SATB2: variants seen among roughly 807,000 people sequenced by gnomAD.
The protein encoded by SATB2 is DNA-binding protein SATB2.
Under a neutral mutation model 73.4 loss-of-function variants are expected in SATB2, and 1 was observed. That is an observed-to-expected ratio of 0.01 (90% CI 0.00 to 0.06). SATB2 has a LOEUF of 0.06. Among genes scored for constraint, SATB2 ranks in the 10% least tolerant of loss-of-function variants. SATB2 has a pLI of 1.00. For synonymous variants in SATB2, 397 were observed against 367.0 expected (o/e 1.08, Z -0.93); for missense variants, 459 against 945.8 (o/e 0.49, Z 6.75).
intron 3 of SATB2, among the ~76,000 whole-genome samples, chr2:199,432,175 A>C (rs941272880): frequency 6.6e-6 from 1 of 152,222 alleles, no homozygotes; most frequent in Non-Finnish European, 1.5e-5. Context: ...CACAATAACT[A>C]GTAGGGTACT....
rs1481816181 is a variant in SATB2, at chr2:199,269,996, T to G, written c.*2215A>C. The G allele has an allele frequency of 6.5e-6, 1 of 152,736 alleles. No homozygotes were observed. The highest frequency in any genetic ancestry group is 1.5e-5 in the Non-Finnish European group (1 of 68,030). 9.5% of individuals were successfully genotyped at this position (152,736 alleles called of 1,614,324 possible). ...GGATGCCATCGATAGATGAACCACC[T>G]TGTAAGAGCTTGGCAAAATCAGTTT... is the stretch of plus-strand genomic sequence containing the variant. On this transcript the variant is annotated 3_prime_UTR_variant, in exon 11 of 11. Transcript: ENST00000417098.
intron 10 of SATB2, among the ~76,000 whole-genome samples, chr2:199,294,293 T>C (rs1455610920): frequency 1.3e-5 from 2 of 152,134 alleles, no homozygotes; most frequent in Non-Finnish European, 2.9e-5. Flanking sequence ...CTCTACTACA[T>C]CTGTATTAGG....
At chr2:199,432,918 A>AT (rs903358587) in intron 3 of SATB2, among the ~76,000 whole-genome samples, 36 of 151,414 alleles carry the variant, frequency 2.4e-4, no homozygotes, top group Non-Finnish European at 3.5e-4. Flanking sequence ...AAAGACATCC[A>AT]TTTTTTTTTC....
At chr2:199,284,721 T>G (rs989264299) in intron 10 of SATB2, among the ~76,000 whole-genome samples, 1 of 152,104 alleles carries the variant, frequency 6.6e-6, no homozygotes, top group Non-Finnish European at 1.5e-5. Flanking sequence ...GCATTTATAG[T>G]TGGCCCACCA....
chr2:199,389,477 T>G (rs895455295), intron 3 of SATB2, among the ~76,000 whole-genome samples: 1 of 152,156 alleles, frequency 6.6e-6, no homozygotes, highest in African/African-American at 2.4e-5. Context: ...TACAATGGAT[T>G]TAATCCTGCA....
Position 199,274,835 on chromosome 2 carries a change from T to C in SATB2, c.1741-2163A>G, listed in dbSNP as rs11894188. On this transcript the variant is annotated intron_variant, in intron 10 of 10. Coordinates refer to ENST00000417098, the MANE Select transcript of SATB2 (RefSeq NM_001172509.2). ...GGCAGGAAAAGCAGAGCTCCAGGGATGGGGGGTGGGGGGACTGGTGCTGGT... is the reference window on the plus strand; with the variant it reads ...GGCAGGAAAAGCAGAGCTCCAGGGACGGGGGGTGGGGGGACTGGTGCTGGT... 5.9e-3 allele frequency among the ~76,000 whole-genome samples: 353 copies of C among 60,126 alleles called. 1 individual carries two copies. The highest frequency in any genetic ancestry group is 0.017 in the African/African-American group (256 of 15,446). 39.4% of individuals were successfully genotyped at this position (60,126 alleles called of 152,430 possible).
intron 10 of SATB2, among the ~76,000 whole-genome samples, chr2:199,287,639 T>G (rs1334292428): frequency 1.3e-5 from 2 of 152,308 alleles, no homozygotes; most frequent in African/African-American, 4.8e-5. Flanking sequence ...CAATAAATTA[T>G]GTAAGCTTCA....
chr2:199,461,951 C>T (rs2105966369), upstream of SATB2, among the ~76,000 whole-genome samples: 1 of 152,332 alleles, frequency 6.6e-6, no homozygotes, highest in South Asian at 2.1e-4. Context: ...TAGAGGCCCG[C>T]TCCGGACAGC....
intron 3 of SATB2, among the ~76,000 whole-genome samples, chr2:199,427,048 T>C (rs1691357513): frequency 6.6e-6 from 1 of 152,116 alleles, no homozygotes; most frequent in South Asian, 2.1e-4. Context: ...TGGCTAATTT[T>C]TGTATTTTTA....
chr2:199,347,261 T>C (rs1688681646), intron 7 of SATB2: 1 of 152,206 alleles, frequency 6.6e-6, no homozygotes, highest in Non-Finnish European at 1.5e-5. Flanking sequence ...TTCTTTCATT[T>C]GTAAGGTCCA....
intron 2 of SATB2, among the ~76,000 whole-genome samples, chr2:199,434,968 C>T (rs890677148): frequency 2.6e-5 from 4 of 151,970 alleles, no homozygotes; most frequent in African/African-American, 7.3e-5. Context: ...TAAATATAAT[C>T]CTTATTAACA....
At chr2:199,405,403 TACC>T (rs1201533517) in intron 3 of SATB2, among the ~76,000 whole-genome samples, 3 of 152,156 alleles carry the variant, frequency 2.0e-5, no homozygotes, top group African/African-American at 7.2e-5. Context: ...TTCTGGGATC[TACC>T]ACCAGGGGAC....
chr2:199,304,101 C>G lies in SATB2; in HGVS notation c.1740+4659G>C, dbSNP rs547767865. Among the ~76,000 whole-genome samples the G allele has an allele frequency of 2.0e-4, 31 of 152,230 alleles. No individual in the cohort carries two copies. The South Asian group carries it at 6.4e-3, about 32-fold the overall frequency. ...TGTGGTCAGAGGAAAGACTGGATGC[C>G]AAAATCGCCTGTGTTTTCATTCCGC... On this transcript the variant is annotated intron_variant, in intron 10 of 10. Coordinates refer to ENST00000417098, the MANE Select transcript of SATB2 (RefSeq NM_001172509.2).
intron 3 of SATB2, 119 bp downstream of exon 3, chr2:199,433,219 A>T: frequency 9.6e-7 from 1 of 1,044,400 alleles, no homozygotes; most frequent in Non-Finnish European, 1.4e-6. Context: ...CTCACTAGGA[A>T]ATGCTAAATC....
Position 199,345,029 on chromosome 2 carries a change from C to T in SATB2, c.1173+3672G>A, listed in dbSNP as rs138816187. On this transcript the variant is annotated intron_variant, in intron 7 of 10. Transcript: ENST00000417098. ...GACAAGTCTTCTTCTGGAAACTCTC[C>T]ACGCATGTCCTCTATACTCTCACTA... 1.7e-4 allele frequency among the ~76,000 whole-genome samples: 26 copies of T among 152,248 alleles called. 1 individual carries two copies. The East Asian group carries it at 4.3e-3, about 25-fold the overall frequency.
At chr2:199,444,379 G>C (rs1474952210) in intron 2 of SATB2, among the ~76,000 whole-genome samples, 1 of 152,068 alleles carries the variant, frequency 6.6e-6, no homozygotes, top group Non-Finnish European at 1.5e-5. Context: ...TAAAATGTAA[G>C]AGTCTACCTT....
At chr2:199,298,388 T>G (rs182484756) in intron 10 of SATB2, among the ~76,000 whole-genome samples, 1 of 152,318 alleles carries the variant, frequency 6.6e-6, no homozygotes, top group East Asian at 1.9e-4. Flanking sequence ...CCAGCAGAGA[T>G]AATGTTTCAG....
At chr2:199,358,912 C>T (rs1466325247) in intron 6 of SATB2, among the ~76,000 whole-genome samples, 1 of 152,160 alleles carries the variant, frequency 6.6e-6, no homozygotes, top group Non-Finnish European at 1.5e-5. Flanking sequence ...TCAAACAATG[C>T]TTTATCACAG....
chr2:199,368,588 CA>C lies in SATB2; in HGVS notation c.700+16del. 2.0e-6 allele frequency: 3 copies of C among 1,480,440 alleles called. No homozygotes were observed. Among genetic ancestry groups the C allele is most frequent in the Non-Finnish European group, 2.8e-6 (3 of 1,059,266 alleles). The allele number at this position is 1,480,440 out of a possible 1,614,324, so 91.7% of individuals were successfully genotyped here. A position where few individuals can be genotyped will look rare whatever the true frequency, so the allele number is the denominator to read the frequency against. ...AGAAACTGAAAACAGGCTTTACAAA[CA>C]AAAAAGTCAGTTTACCTTTAATCTT... On this transcript the variant is annotated intron_variant, in intron 6 of 10. Coordinates refer to ENST00000417098, the MANE Select transcript of SATB2 (RefSeq NM_001172509.2).
Sources: allele counts gnomAD v4.1 joint callset (sites outside exome capture counted in the v4.1 genomes callset), GRCh38; gene constraint gnomAD v4.1.1; transcripts MANE v1.5; gene names NCBI Gene and HGNC (gene_info 2026-07-23, HGNC 2026-07-21).